CSMD1: variants seen among roughly 807,000 people sequenced by gnomAD.
CSMD1 encodes CUB and sushi domain-containing protein 1.
A neutral mutation model predicts 417.5 loss-of-function variants in CSMD1; 213 were observed. The ratio of observed to expected loss-of-function variants is 0.51; its 90% CI spans 0.46 to 0.57. The LOEUF is 0.57. Ranked by LOEUF, CSMD1 falls within the 20% of genes least tolerant of loss-of-function variation. CSMD1 has a pLI of 0.00. For synonymous variants in CSMD1, 2,862 were observed against 1,736.8 expected (o/e 1.65, Z -16.11); for missense variants, 6,923 against 4,529.7 (o/e 1.53, Z -15.17).
intron 10 of CSMD1, among the ~76,000 whole-genome samples, chr8:3,565,966 C>T (rs1452652404): frequency 1.2e-4 from 19 of 152,196 alleles, no homozygotes; most frequent in Admixed American, 1.2e-3. Context: ...TACGCATTCT[C>T]ATGCCATTCC....
intron 1 of CSMD1, among the ~76,000 whole-genome samples, chr8:4,946,404 G>C (rs1469736992): frequency 6.6e-6 from 1 of 152,098 alleles, no homozygotes; most frequent in Non-Finnish European, 1.5e-5. Context: ...TAGGTCATCG[G>C]TCATTGTCCA....
chr8:3,715,278 T>A (rs1179409007), intron 6 of CSMD1, among the ~76,000 whole-genome samples: 2 of 152,156 alleles, frequency 1.3e-5, no homozygotes, highest in African/African-American at 4.8e-5. Context: ...ATTGTTAACG[T>A]GTGATTTGTG....
At chr8:4,518,434 TATA>T (rs1275027211) in intron 2 of CSMD1, among the ~76,000 whole-genome samples, 1 of 152,040 alleles carries the variant, frequency 6.6e-6, no homozygotes, top group Non-Finnish European at 1.5e-5. Flanking sequence ...GAGGGAAACA[TATA>T]AGACATAAAC....
chr8:3,986,343 T>G (rs1814319135), intron 5 of CSMD1, among the ~76,000 whole-genome samples: 2 of 152,180 alleles, frequency 1.3e-5, no homozygotes, highest in South Asian at 4.1e-4. Flanking sequence ...CATTGAAATG[T>G]AGATCCCTGA....
At chr8:3,474,199 T>C (rs4875721) in intron 11 of CSMD1, among the ~76,000 whole-genome samples, 34,353 of 152,040 alleles carry the variant, frequency 0.23, 5,248 homozygotes, top group East Asian at 0.59. Flanking sequence ...GCATGTGAGG[T>C]TTATTGGCAT....
chr8:4,172,500 C>A (rs1244071111), intron 3 of CSMD1, among the ~76,000 whole-genome samples: 2 of 151,674 alleles, frequency 1.3e-5, no homozygotes, highest in Non-Finnish European at 2.9e-5. Flanking sequence ...AAAAAAAAAA[C>A]TGAAGGATCA....
chr8:3,832,749 A>G (rs555276696), intron 5 of CSMD1, among the ~76,000 whole-genome samples: 1 of 152,294 alleles, frequency 6.6e-6, no homozygotes, highest in South Asian at 2.1e-4. Context: ...TCTGATAACT[A>G]AAATATGATC....
intron 2 of CSMD1, among the ~76,000 whole-genome samples, chr8:4,536,506 C>G (rs1475263339): frequency 6.6e-6 from 1 of 152,122 alleles, no homozygotes; most frequent in Non-Finnish European, 1.5e-5. Flanking sequence ...TTTCTCTTAA[C>G]AAATCTCACA....
chr8:4,613,970 T>C (rs1184724360), intron 2 of CSMD1, among the ~76,000 whole-genome samples: 4 of 151,910 alleles, frequency 2.6e-5, no homozygotes, highest in Non-Finnish European at 4.4e-5. Flanking sequence ...TTGTTAGGAA[T>C]CTTCATGGAA....
intron 1 of CSMD1, among the ~76,000 whole-genome samples, chr8:4,817,952 G>C (rs531136089): frequency 6.6e-6 from 1 of 152,222 alleles, no homozygotes; most frequent in African/African-American, 2.4e-5. Flanking sequence ...GTCTACCCTA[G>C]CATTAGGTAC....
intron 5 of CSMD1, among the ~76,000 whole-genome samples, chr8:3,994,265 T>C (rs1207870228): frequency 6.6e-6 from 1 of 152,144 alleles, no homozygotes; most frequent in African/African-American, 2.4e-5. Context: ...TATAAGTTCA[T>C]ATTTTAAAGG....
At chr8:4,195,240 A>C (rs1240354260) in intron 3 of CSMD1, among the ~76,000 whole-genome samples, 2 of 152,164 alleles carry the variant, frequency 1.3e-5, no homozygotes, top group African/African-American at 2.4e-5. Flanking sequence ...CAGATTTTTT[A>C]ATTTGTTTTT....
chr8:4,718,164 A>C (rs930214653), intron 1 of CSMD1, among the ~76,000 whole-genome samples: 1 of 152,066 alleles, frequency 6.6e-6, no homozygotes, highest in Non-Finnish European at 1.5e-5. Flanking sequence ...TTTTGTACAG[A>C]CAGGGTCTAC....
At chr8:4,463,749 A>C (rs1247405373) in intron 2 of CSMD1, among the ~76,000 whole-genome samples, 1 of 152,150 alleles carries the variant, frequency 6.6e-6, no homozygotes, top group East Asian at 1.9e-4. Flanking sequence ...CGTGGGGCTG[A>C]GGGAAAATAG....
At chr8:3,223,978 T>C in intron 27 of CSMD1, 111 bp from the exon 28 acceptor site, 1 of 1,031,018 alleles carries the variant, frequency 9.7e-7, no homozygotes, top group Non-Finnish European at 1.4e-6. Context: ...ATCAGCATTT[T>C]TACCAGTCCA....
In CSMD1 at chr8:4,788,787, C is replaced by G. The variant is rs11993209; in HGVS notation, c.86-151229G>C. On this transcript the variant is annotated intron_variant, in intron 1 of 69. Transcript: ENST00000635120. ...AAAAAAATAAAGGGAAACTATCATG[C>G]TTAACTTAACATGACATCTGCTTTT... 6.4e-3 allele frequency among the ~76,000 whole-genome samples: 974 copies of G among 152,194 alleles called. 7 individuals carry two copies. The highest frequency in any genetic ancestry group is 0.023 in the African/African-American group (938 of 41,524).
At position 3,378,399 on chromosome 8, in the gene CSMD1, G is replaced by A. The variant is rs148619707; in HGVS notation, c.2783-9029C>T. On this transcript the variant is annotated intron_variant, in intron 18 of 69. Transcript: ENST00000635120. ...GGGACTCCTCCCTAACTCATTTTATGAGGGCAGCATCATCCTGATACCAAA... is the reference window on the plus strand; with the variant it reads ...GGGACTCCTCCCTAACTCATTTTATAAGGGCAGCATCATCCTGATACCAAA... Among the ~76,000 whole-genome samples, 163 of 152,264 alleles carry A rather than the reference G, an allele frequency of 1.1e-3. 1 individual carries two copies. The highest frequency in any genetic ancestry group is 3.8e-3 in the African/African-American group (156 of 41,570).
In CSMD1 at chr8:4,451,569, A is replaced by C. The variant is rs572565522; in HGVS notation, c.303-31504T>G. On this transcript the variant is annotated intron_variant, in intron 2 of 69. Coordinates refer to ENST00000635120, the MANE Select transcript of CSMD1 (RefSeq NM_033225.6). ...AAGGTAAAGGGTGAGCGATAGAGTG[A>C]AGACAAAGAAAGCCTTAAAAAGAAG... Among the ~76,000 whole-genome samples, 29 of 152,292 alleles carry C rather than the reference A, an allele frequency of 1.9e-4. 1 individual carries two copies. The highest frequency in any genetic ancestry group is 1.6e-3 in the Admixed American group (25 of 15,296).
intron 7 of CSMD1, among the ~76,000 whole-genome samples, chr8:3,667,837 G>T (rs907763604): frequency 1.3e-5 from 2 of 152,166 alleles, no homozygotes; most frequent in African/African-American, 4.8e-5. Context: ...AGGCATCCTG[G>T]AGTGTCTGTA....
Sources: allele counts gnomAD v4.1 joint callset (sites outside exome capture counted in the v4.1 genomes callset), GRCh38; gene constraint gnomAD v4.1.1; transcripts MANE v1.5; gene names NCBI Gene and HGNC (gene_info 2026-07-23, HGNC 2026-07-21).